DCLK1: variants seen among roughly 807,000 people sequenced by gnomAD.
DCLK1 encodes doublecortin like kinase 1.
A neutral mutation model predicts 86.2 loss-of-function variants in DCLK1; 16 were observed. The observed-to-expected ratio is 0.19, with a 90% CI of 0.13 to 0.28. The LOEUF (loss-of-function observed/expected upper bound fraction) is 0.28, where lower values mean the gene tolerates loss of function less well. Ranked by LOEUF, DCLK1 falls within the 10% of genes least tolerant of loss-of-function variation. DCLK1 has a pLI of 1.00. For synonymous variants in DCLK1, 369 were observed against 370.5 expected, an observed-to-expected ratio of 1.00 and a Z score of 0.05; for missense variants, 590 against 940.2, an observed-to-expected ratio of 0.63 and a Z score of 4.87.
chr13:36,118,096 G>T (rs1885856136), intron 2 of DCLK1, among the ~76,000 whole-genome samples: 1 of 147,806 alleles, frequency 6.8e-6, no homozygotes, highest in Non-Finnish European at 1.5e-5. Context: ...AAAAAAAAAT[G>T]AAATAAAAAT....
chr13:36,051,009 A>G (rs1883103769), intron 3 of DCLK1, among the ~76,000 whole-genome samples: 1 of 152,214 alleles, frequency 6.6e-6, no homozygotes, highest in South Asian at 2.1e-4. Context: ...TCAGCCAATG[A>G]GAAGTGATGC....
At chr13:35,934,003 A>C (rs1171095) in intron 4 of DCLK1, among the ~76,000 whole-genome samples, 117,818 of 152,130 alleles carry the variant, frequency 0.77, 45,912 homozygotes, top group African/African-American at 0.84. Flanking sequence ...GAATGCTTTG[A>C]TGCTTAGAAA....
At chr13:36,016,898 AC>A (rs1881557485) in intron 3 of DCLK1, among the ~76,000 whole-genome samples, 1 of 152,176 alleles carries the variant, frequency 6.6e-6, no homozygotes, top group South Asian at 2.1e-4. Context: ...CTTCACATTT[AC>A]AACACACCTC....
At chr13:35,898,793 G>T (rs552136695) in intron 4 of DCLK1, among the ~76,000 whole-genome samples, 63 of 152,154 alleles carry the variant, frequency 4.1e-4, no homozygotes, top group African/African-American at 1.4e-3. Context: ...CCAGGATGGA[G>T]TGCAGTGGCA....
At chr13:36,131,559 G>T (rs1285714023), upstream of DCLK1, among the ~76,000 whole-genome samples, 1 of 151,942 alleles carries the variant, frequency 6.6e-6, no homozygotes, top group Non-Finnish European at 1.5e-5. Flanking sequence ...TCTTCCCACC[G>T]CAGCAACCTC....
At chr13:36,059,602 C>T (rs921247966) in intron 3 of DCLK1, among the ~76,000 whole-genome samples, 6 of 152,122 alleles carry the variant, frequency 3.9e-5, no homozygotes, top group East Asian at 3.9e-4. Context: ...GACTCTGGAC[C>T]GTAGAGAGCT....
chr13:36,075,282 T>G (rs1390780220), intron 3 of DCLK1, among the ~76,000 whole-genome samples: 2 of 152,250 alleles, frequency 1.3e-5, no homozygotes, highest in African/African-American at 4.8e-5. Flanking sequence ...CAAGTAGATA[T>G]ATTTGCCAGG....
chr13:36,103,903 G>A (rs1041729586), intron 3 of DCLK1, among the ~76,000 whole-genome samples: 33 of 152,172 alleles, frequency 2.2e-4, no homozygotes, highest in Non-Finnish European at 2.9e-4. Flanking sequence ...GATGGCTAAG[G>A]CAATGTCAGG....
intron 2 of DCLK1, among the ~76,000 whole-genome samples, chr13:36,119,598 A>T (rs1323604261): frequency 1.3e-5 from 2 of 152,202 alleles, no homozygotes; most frequent in Non-Finnish European, 2.9e-5. Flanking sequence ...GTACCCCCTG[A>T]AATGATGTAC....
intron 5 of DCLK1, chr13:35,855,757 A>C (rs1871014600): frequency 7.7e-7 from 1 of 1,300,660 alleles, no homozygotes; most frequent in African/African-American, 1.5e-5. Context: ...AGGCTACATC[A>C]AAGGTGTCAA....
chr13:35,996,911 T>C (rs1386788434), intron 3 of DCLK1, among the ~76,000 whole-genome samples: 4 of 152,250 alleles, frequency 2.6e-5, no homozygotes, highest in Admixed American at 6.5e-5. Context: ...TATAGCTATT[T>C]ACTCAGAGCT....
At chr13:35,989,080 T>C (rs1282688266) in intron 3 of DCLK1, among the ~76,000 whole-genome samples, 1 of 152,152 alleles carries the variant, frequency 6.6e-6, no homozygotes, top group Non-Finnish European at 1.5e-5. Context: ...GCCCATGATT[T>C]AGAAGATAAT....
chr13:35,951,673 G>C (rs556570794), intron 3 of DCLK1, among the ~76,000 whole-genome samples: 2 of 151,912 alleles, frequency 1.3e-5, no homozygotes, highest in Admixed American at 6.6e-5. Context: ...TCTAGTATAT[G>C]TTTACAGACT....
rs1423971447 is a variant in DCLK1, at chr13:35,769,743, A to G, written c.*4792T>C. 6.6e-6 allele frequency: 1 copy of G among 152,228 alleles called. No homozygotes were observed. The highest frequency in any genetic ancestry group is 2.4e-5 in the African/African-American group (1 of 41,444). 9.4% of individuals were successfully genotyped at this position (152,228 alleles called of 1,614,324 possible). ...TTTAAATTATTAAAGTATATCACAGACAAAATATTCAATTTTACATTAAAG... is the reference window on the plus strand; with the variant it reads ...TTTAAATTATTAAAGTATATCACAGGCAAAATATTCAATTTTACATTAAAG... On this transcript the variant is annotated 3_prime_UTR_variant, in exon 17 of 17. Transcript: ENST00000360631.
At chr13:36,041,488 C>T (rs1004620764) in intron 3 of DCLK1, among the ~76,000 whole-genome samples, 6 of 152,100 alleles carry the variant, frequency 3.9e-5, no homozygotes, top group South Asian at 2.1e-4. Flanking sequence ...CACTCACTTC[C>T]GATGTTACTT....
chr13:36,089,478 C>A (rs904739379), intron 3 of DCLK1, among the ~76,000 whole-genome samples: 2 of 152,148 alleles, frequency 1.3e-5, no homozygotes, highest in East Asian at 1.9e-4. Flanking sequence ...CTCAACTATT[C>A]CACTCTCTCA....
At chr13:35,889,170 G>T (rs1326348181) in intron 4 of DCLK1, among the ~76,000 whole-genome samples, 1 of 152,076 alleles carries the variant, frequency 6.6e-6, no homozygotes, top group Non-Finnish European at 1.5e-5. Context: ...GAACACTATG[G>T]TCTCTTAGCA....
intron 6 of DCLK1, among the ~76,000 whole-genome samples, chr13:35,840,871 C>T (rs1428797836): frequency 1.3e-5 from 2 of 152,170 alleles, no homozygotes; most frequent in African/African-American, 4.8e-5. Flanking sequence ...TATAATATTG[C>T]AGTATGAGGC....
intron 4 of DCLK1, among the ~76,000 whole-genome samples, chr13:35,944,741 G>A (rs1470747999): frequency 1.3e-5 from 2 of 152,158 alleles, no homozygotes; most frequent in East Asian, 3.9e-4. Flanking sequence ...ATCCAGGGAA[G>A]GGATGTGAAG....
Sources: gnomAD v4.1 joint callset for allele counts (sites outside exome capture counted in the v4.1 genomes callset) on GRCh38, gnomAD v4.1.1 for gene constraint, MANE v1.5 for transcripts, NCBI Gene and HGNC (gene_info 2026-07-23, HGNC 2026-07-21) for gene names.